Variants in CCDC102B observed in about 807,000 individuals in gnomAD.
CCDC102B encodes the protein coiled-coil domain-containing protein 102B.
In CCDC102B, 75 loss-of-function variants were observed where a neutral mutation model predicts 57.4. The observed-to-expected ratio is 1.31, with a 90% CI of 1.08 to 1.58. CCDC102B has a LOEUF of 1.58. Ranked by LOEUF, CCDC102B falls within the 40% of genes most tolerant of loss-of-function variation. The pLI is 0.00. For synonymous variants in CCDC102B, 206 were observed against 201.9 expected (o/e 1.02, Z -0.17); for missense variants, 636 against 582.6 (o/e 1.09, Z -0.94).
chr18:68,771,784 G>A (rs2034646403), intron 2 of CCDC102B, among the ~76,000 whole-genome samples: 1 of 151,708 alleles, frequency 6.6e-6, no homozygotes, highest in African/African-American at 2.4e-5. Flanking sequence ...GAAAGTAGGG[G>A]TTAAAATCAA....
chr18:69,054,056 T>A lies in CCDC102B; in HGVS notation c.1461T>A (p.Arg487=), dbSNP rs556973685. ...TTGATGATTCCCTGAATCAGATCCGTAAGCTCCAGAGGTCTCTGGATGAAG... is the reference window on the plus strand; with the variant it reads ...TTGATGATTCCCTGAATCAGATCCGAAAGCTCCAGAGGTCTCTGGATGAAG... The part of the protein sequence containing the change: ...DELDDSLNQI[R]KLQRSLDEEK... Residue 487 remains arginine (R), a synonymous_variant, in exon 8 of 8, where the codon CGT becomes CGA. Coordinates refer to ENST00000360242, the MANE Select transcript of CCDC102B (RefSeq NM_024781.3). 1,225 of 1,606,486 alleles carry A rather than the reference T, an allele frequency of 7.6e-4. 21 individuals are homozygous for A. The South Asian group carries it at 0.013, about 17-fold the overall frequency.
chr18:68,860,475 CAAA>C (rs1169097862), intron 4 of CCDC102B, among the ~76,000 whole-genome samples: 828 of 52,836 alleles, frequency 0.016, 6 homozygotes, highest in African/African-American at 0.037. Context: ...AAAACAAAAA[CAAA>C]AAAAAAAAAA....
chr18:68,982,078 G>A (rs988266202), intron 6 of CCDC102B, among the ~76,000 whole-genome samples: 3 of 151,980 alleles, frequency 2.0e-5, no homozygotes, highest in Admixed American at 1.3e-4. Flanking sequence ...TGAAGCCAGG[G>A]AGCTAGAGAT....
At chr18:69,041,490 T>G (rs1243876883) in intron 7 of CCDC102B, among the ~76,000 whole-genome samples, 1 of 152,076 alleles carries the variant, frequency 6.6e-6, no homozygotes, top group Non-Finnish European at 1.5e-5. Flanking sequence ...AAGTTTACTG[T>G]TTCATCTTCC....
intron 7 of CCDC102B, among the ~76,000 whole-genome samples, chr18:69,017,105 ATTAT>A (rs1001576280): frequency 2.0e-5 from 3 of 151,810 alleles, no homozygotes; most frequent in Non-Finnish European, 2.9e-5. Flanking sequence ...TTTTTAATTA[ATTAT>A]TTATTTACTT....
chr18:68,944,903 C>A (rs2049489218), intron 6 of CCDC102B, among the ~76,000 whole-genome samples: 1 of 151,980 alleles, frequency 6.6e-6, no homozygotes, highest in Admixed American at 6.6e-5. Context: ...CTCCATGCTC[C>A]TTTATAAAAG....
At chr18:68,870,844 A>G (rs1407014108) in intron 4 of CCDC102B, among the ~76,000 whole-genome samples, 1 of 152,148 alleles carries the variant, frequency 6.6e-6, no homozygotes, top group Non-Finnish European at 1.5e-5. Context: ...GATCATTTTG[A>G]AGGTTAAAAT....
chr18:68,988,545 T>G (rs1318602457), intron 6 of CCDC102B, among the ~76,000 whole-genome samples: 1 of 146,896 alleles, frequency 6.8e-6, no homozygotes, highest in East Asian at 2.0e-4. Flanking sequence ...CTAAAATAAG[T>G]GTTGAAATTA....
Position 68,811,312 on chromosome 18 carries a change from C to A in CCDC102B, c.-16+13131C>A, listed in dbSNP as rs144729295. Among the ~76,000 whole-genome samples, 143 of 152,224 alleles carry A rather than the reference C, an allele frequency of 9.4e-4. 1 individual carries two copies. The East Asian group carries it at 0.018, about 19-fold the overall frequency. On this transcript the variant is annotated intron_variant, in intron 1 of 7. Transcript: ENST00000360242. Reference sequence around the variant, plus strand: ...ATGGAAACTTTGAAAGAAACAGTTTCTTTTCTATGTTGACAAACACATAAG... The same window carrying A: ...ATGGAAACTTTGAAAGAAACAGTTTATTTTCTATGTTGACAAACACATAAG...
chr18:68,748,560 T>A (rs1418622196), intron 2 of CCDC102B, among the ~76,000 whole-genome samples: 1 of 152,150 alleles, frequency 6.6e-6, no homozygotes, highest in African/African-American at 2.4e-5. Context: ...AGCAACCTCC[T>A]CTATCAGCAA....
chr18:68,954,549 T>C (rs1215078443), intron 6 of CCDC102B, among the ~76,000 whole-genome samples: 4 of 152,194 alleles, frequency 2.6e-5, no homozygotes, highest in Non-Finnish European at 4.4e-5. Flanking sequence ...TATTTGATAT[T>C]GTGGAAATAA....
intron 2 of CCDC102B, among the ~76,000 whole-genome samples, chr18:68,782,224 A>G (rs1415420187): frequency 6.6e-6 from 1 of 152,062 alleles, no homozygotes; most frequent in African/African-American, 2.4e-5. Context: ...TCCGCTTATC[A>G]CCCAAAAGTT....
intron 5 of CCDC102B, among the ~76,000 whole-genome samples, chr18:68,883,906 T>C (rs950633636): frequency 2.6e-5 from 4 of 152,192 alleles, no homozygotes; most frequent in African/African-American, 9.6e-5. Context: ...GGCTTTTTAG[T>C]AACTCATTCT....
At chr18:69,039,663 A>T (rs139224788) in intron 7 of CCDC102B, among the ~76,000 whole-genome samples, 1,941 of 151,990 alleles carry the variant, frequency 0.013, 46 homozygotes, top group African/African-American at 0.043. Context: ...ACTGGCCAGA[A>T]AATGCATGAT....
intron 2 of CCDC102B, among the ~76,000 whole-genome samples, chr18:68,742,678 CCTT>C (rs894928383): frequency 6.6e-6 from 1 of 152,186 alleles, no homozygotes; most frequent in Non-Finnish European, 1.5e-5. Context: ...CTCCATTTAT[CCTT>C]CTTCCCTCAG....
At chr18:68,902,929 C>T (rs897363644) in intron 6 of CCDC102B, among the ~76,000 whole-genome samples, 2 of 152,054 alleles carry the variant, frequency 1.3e-5, no homozygotes, top group Non-Finnish European at 2.9e-5. Flanking sequence ...CATATATCCC[C>T]ACAACCCGGC....
In CCDC102B at chr18:68,837,090, T is replaced by G; in HGVS notation, c.327T>G (p.Val109=). ...TANWREKWSK[V]RAERNSAREE... ...ACTGGAGAGAAAAATGGAGTAAAGT[T>G]CGAGCTGAAAGGAACAGTGCCAGGG... Residue 109 remains valine, a synonymous_variant, in exon 2 of 8, where the codon GTT becomes GTG. Transcript: ENST00000360242. The G allele has an allele frequency of 6.2e-7, 1 of 1,614,046 alleles. No individual in the cohort carries two copies. Among genetic ancestry groups the G allele is most frequent in the Non-Finnish European group, 8.5e-7 (1 of 1,180,006 alleles).
At chr18:69,012,650 C>G (rs1384256546) in intron 7 of CCDC102B, among the ~76,000 whole-genome samples, 1 of 151,858 alleles carries the variant, frequency 6.6e-6, no homozygotes, top group African/African-American at 2.4e-5. Flanking sequence ...ACATATACAT[C>G]TTTTCTGTCA....
intron 5 of CCDC102B, among the ~76,000 whole-genome samples, chr18:68,878,793 G>T (rs1489166186): frequency 6.6e-6 from 1 of 152,132 alleles, no homozygotes; most frequent in Non-Finnish European, 1.5e-5. Flanking sequence ...GCACAGATGG[G>T]CAAGTGTAAT....
Sources: allele counts gnomAD v4.1 joint callset (sites outside exome capture counted in the v4.1 genomes callset), GRCh38; gene constraint gnomAD v4.1.1; transcripts MANE v1.5; gene names NCBI Gene and HGNC (gene_info 2026-07-23, HGNC 2026-07-21).